The following C2orf80 variants were observed in gnomAD, a reference collection of about 807,000 sequenced individuals.
The protein encoded by C2orf80 is uncharacterized protein C2orf80.
In C2orf80, 28 loss-of-function variants were observed where a neutral mutation model predicts 30.2. The ratio of observed to expected loss-of-function variants is 0.93; its 90% CI spans 0.69 to 1.27. The LOEUF is 1.27. Among genes scored for constraint, C2orf80 ranks in the 50% most tolerant of loss-of-function variants. The probability of loss-of-function intolerance (pLI) is 0.00; values close to 1 mark genes in which losing one functional copy is unlikely to be tolerated. For missense variants in C2orf80, 220 were observed against 231.0 expected (o/e 0.95, Z 0.31); for synonymous variants, 80 against 76.4 (o/e 1.05, Z -0.24).
chr2:208,174,239 G>A (rs188746686), intron 6 of C2orf80, among the ~76,000 whole-genome samples: 50 of 152,140 alleles, frequency 3.3e-4, no homozygotes, highest in Admixed American at 2.6e-4. Context: ...CAGATACTGC[G>A]CCTGGCCAAT....
chr2:208,170,812 C>T, intron 8 of C2orf80, 133 bp downstream of exon 8: 1 of 708,670 alleles, frequency 1.4e-6, no homozygotes, highest in Non-Finnish European at 2.5e-6. Flanking sequence ...TGTCCCATAG[C>T]TGGTAAGCAG....
chr2:208,172,226 T>A (rs931613375), intron 6 of C2orf80, 151 bp from the exon 7 acceptor site: 1 of 716,964 alleles, frequency 1.4e-6, no homozygotes. Context: ...CACAGTCCAT[T>A]GATGGGGCAC....
At chr2:208,174,093 T>C (rs1429698261) in intron 6 of C2orf80, among the ~76,000 whole-genome samples, 1 of 152,052 alleles carries the variant, frequency 6.6e-6, no homozygotes, top group Admixed American at 6.5e-5. Flanking sequence ...GCAGGGACTG[T>C]AGACACACAA....
intron 1 of C2orf80, among the ~76,000 whole-genome samples, chr2:208,188,856 T>C (rs1244600087): frequency 1.3e-5 from 2 of 152,138 alleles, no homozygotes; most frequent in Non-Finnish European, 2.9e-5. Flanking sequence ...TCACAGGAAA[T>C]TGATTAAGTA....
rs951552146 is a variant in C2orf80, at chr2:208,172,089, A to C, written c.367-14T>G. The C allele has an allele frequency of 3.1e-6, 5 of 1,590,620 alleles. No individual in the cohort carries two copies. Among genetic ancestry groups the C allele is most frequent in the Non-Finnish European group, 4.3e-6 (5 of 1,158,750 alleles). On this transcript the variant is annotated splice_polypyrimidine_tract_variant and intron_variant, in intron 6 of 8. Transcript: ENST00000341287. The stretch of plus-strand genomic sequence containing the variant: ...AACTCGGGGAACCTGAAAGGAAAAC[A>C]GTCCTACTTTTAAAATCTGTCCATC...
intron 1 of C2orf80, among the ~76,000 whole-genome samples, chr2:208,188,197 A>G (rs1295996961): frequency 1.3e-5 from 2 of 152,004 alleles, no homozygotes; most frequent in Non-Finnish European, 2.9e-5. Flanking sequence ...AAATGTTAAT[A>G]GTTGTTGACT....
rs778384344 is a variant in C2orf80, at chr2:208,184,936, C to T, written c.123+15G>A. 2.5e-6 allele frequency: 4 copies of T among 1,601,566 alleles called. No individual in the cohort carries two copies. Among genetic ancestry groups the T allele is most frequent in the Non-Finnish European group, 3.4e-6 (4 of 1,169,264 alleles). ...ATAACACAAATATGACTCGCATCAG[C>T]GTGCCTTTCTTTACCATATCATCTA... On this transcript the variant is annotated intron_variant, in intron 3 of 8. Coordinates refer to ENST00000341287, the MANE Select transcript of C2orf80 (RefSeq NM_001099334.3).
At chr2:208,171,107 T>C (rs200401125) in intron 7 of C2orf80, 44 bp from the exon 8 acceptor site, 13 of 1,278,694 alleles carry the variant, frequency 1.0e-5, no homozygotes, top group Admixed American at 5.9e-5. Flanking sequence ...AAAACTTTTT[T>C]AAAAATGTGT....
intron 6 of C2orf80, among the ~76,000 whole-genome samples, chr2:208,178,371 G>A (rs935920888): frequency 6.6e-6 from 1 of 152,144 alleles, no homozygotes; most frequent in Non-Finnish European, 1.5e-5. Flanking sequence ...GAAGGGTTTG[G>A]GGCTCAGGCT....
At chr2:208,171,091 G>A (rs1044481218) in intron 7 of C2orf80, 28 bp from the exon 8 acceptor site, 6 of 1,495,992 alleles carry the variant, frequency 4.0e-6, no homozygotes, top group Non-Finnish European at 5.5e-6. Flanking sequence ...AACCATATCT[G>A]TATATAAAAC....
At chr2:208,182,692 C>T (rs113249807) in intron 4 of C2orf80, among the ~76,000 whole-genome samples, 4,627 of 152,296 alleles carry the variant, frequency 0.03, 233 homozygotes, top group African/African-American at 0.1. Context: ...TGAGCCACCG[C>T]GCCCGGCCCC....
At chr2:208,186,870 T>C in intron 2 of C2orf80, 76 bp downstream of exon 2, 1 of 1,299,374 alleles carries the variant, frequency 7.7e-7, no homozygotes, top group South Asian at 1.2e-5. Flanking sequence ...CCACTGCCAA[T>C]ACCCAAGCCA....
At chr2:208,177,548 A>AAAAC (rs369102250) in intron 6 of C2orf80, among the ~76,000 whole-genome samples, 8 of 152,076 alleles carry the variant, frequency 5.3e-5, no homozygotes, top group Non-Finnish European at 1.2e-4. Flanking sequence ...TCTCAAGAAA[A>AAAAC]AAACAAACAA....
chr2:208,165,811 G>C lies in C2orf80; in HGVS notation c.578C>G (p.Thr193Ser). Residue 193 changes from threonine to serine, a missense_variant, in exon 9 of 9, where the codon ACT becomes AGT. By Grantham distance (58) the Thr-to-Ser change is moderately conservative. Coordinates refer to ENST00000341287, the MANE Select transcript of C2orf80 (RefSeq NM_001099334.3). Reference sequence around the variant, plus strand: ...CCATGGTACAATTCCAATTTTCTAAGTGACCTGCAGAATAAAAGATGATTT... The same window carrying C: ...CCATGGTACAATTCCAATTTTCTAACTGACCTGCAGAATAAAAGATGATTT... ...FSDTQPKHKVT is the reference protein window; with the variant it reads ...FSDTQPKHKVS 6.2e-7 allele frequency: 1 copy of C among 1,609,552 alleles called. No individual in the cohort carries two copies.
intron 7 of C2orf80, among the ~76,000 whole-genome samples, chr2:208,171,733 G>GCCACTCCAT (rs71036986): frequency 0.88 from 134,187 of 151,714 alleles, 59,551 homozygotes; most frequent in Non-Finnish European, 0.92. Flanking sequence ...ACCAGTGTGA[G>GCCACTCCAT]CCAGCCCACT....
Position 208,165,634 on chromosome 2 carries a change from G to T in C2orf80, c.*173C>A. Reference sequence around the variant, plus strand: ...TTTTTTTTTAAGAAAATGTAGCCATGCAATATGCTTCTAAAAGAAGAAAGC... The same window carrying T: ...TTTTTTTTTAAGAAAATGTAGCCATTCAATATGCTTCTAAAAGAAGAAAGC... On this transcript the variant is annotated 3_prime_UTR_variant, in exon 9 of 9. Transcript: ENST00000341287. 1.4e-6 allele frequency: 1 copy of T among 692,258 alleles called. No homozygotes were observed. The highest frequency in any genetic ancestry group is 2.3e-6 in the Non-Finnish European group (1 of 441,778). 42.9% of individuals were successfully genotyped at this position (692,258 alleles called of 1,614,324 possible).
At chr2:208,171,568 G>A (rs774077353) in intron 7 of C2orf80, among the ~76,000 whole-genome samples, 26 of 152,036 alleles carry the variant, frequency 1.7e-4, no homozygotes, top group African/African-American at 3.6e-4. Flanking sequence ...TGATCTGCCC[G>A]CCTCGGCCTC....
chr2:208,183,094 G>T, intron 3 of C2orf80, 47 bp from the exon 4 acceptor site: 1 of 1,482,482 alleles, frequency 6.7e-7, no homozygotes, highest in Non-Finnish European at 9.4e-7. Flanking sequence ...TTAGACATTG[G>T]CCGAAGTACT....
At chr2:208,174,452 A>C (rs192124474) in intron 6 of C2orf80, among the ~76,000 whole-genome samples, 26 of 152,286 alleles carry the variant, frequency 1.7e-4, no homozygotes, top group Admixed American at 1.7e-3. Context: ...TGCTATCAGG[A>C]GGAAGGAGGG....
Sources: allele counts gnomAD v4.1 joint callset (sites outside exome capture counted in the v4.1 genomes callset), GRCh38; gene constraint gnomAD v4.1.1; transcripts MANE v1.5; gene names NCBI Gene and HGNC (gene_info 2026-07-23, HGNC 2026-07-21).